The following PTH2R variants were observed in gnomAD, a reference collection of about 807,000 sequenced individuals.
The protein encoded by PTH2R is parathyroid hormone 2 receptor.
In PTH2R, 59 loss-of-function variants were observed where a neutral mutation model predicts 60.3. The ratio of observed to expected loss-of-function variants is 0.98; its 90% CI spans 0.79 to 1.22. PTH2R has a LOEUF of 1.22. Ranked by LOEUF, PTH2R falls within the 50% of genes most tolerant of loss-of-function variation. The pLI, the probability that PTH2R is intolerant of heterozygous loss-of-function variation, is 0.00. For synonymous variants in PTH2R, 256 were observed against 243.8 expected (o/e 1.05, Z -0.47); for missense variants, 749 against 682.6 (o/e 1.10, Z -1.08).
At chr2:208,367,283 AGGGTTTCGCCATGTT>A (rs1700611000) in intron 1 of PTH2R, among the ~76,000 whole-genome samples, 1 of 151,976 alleles carries the variant, frequency 6.6e-6, no homozygotes. Context: ...TAGTAGAGAC[AGGGTTTCGCCATGTT>A]GGCCAGGCTG....
chr2:208,435,640 G>T (rs1702060057), intron 2 of PTH2R, among the ~76,000 whole-genome samples: 1 of 152,266 alleles, frequency 6.6e-6, no homozygotes, highest in East Asian at 1.9e-4. Context: ...GCAAAGAAAT[G>T]GGGACCTTGG....
At chr2:208,436,898 G>T (rs1321163021) in intron 2 of PTH2R, among the ~76,000 whole-genome samples, 1 of 152,186 alleles carries the variant, frequency 6.6e-6, no homozygotes, top group Non-Finnish European at 1.5e-5. Flanking sequence ...CCTGCAGAAA[G>T]AAATGTTGGA....
At chr2:208,388,253 C>A (rs1328490027) in intron 1 of PTH2R, among the ~76,000 whole-genome samples, 1 of 151,148 alleles carries the variant, frequency 6.6e-6, no homozygotes, top group African/African-American at 2.4e-5. Context: ...GGAGGTGGAG[C>A]TTGCAGTGAG....
chr2:208,412,998 TTCTC>T (rs1435472193), intron 1 of PTH2R, among the ~76,000 whole-genome samples: 1 of 152,130 alleles, frequency 6.6e-6, no homozygotes, highest in Non-Finnish European at 1.5e-5. Flanking sequence ...CTCATTCTCT[TTCTC>T]TCTCACTACT....
At position 208,482,840 on chromosome 2, in the gene PTH2R, C is replaced by T. The variant is rs191920380; in HGVS notation, c.1076+1676C>T. ...CCGTTTATAGGCTCTCCACAAGGGT[C>T]GCTTTCCATTCCCAGAGCCACGAAC... is the stretch of plus-strand genomic sequence containing the variant. On this transcript the variant is annotated intron_variant, in intron 10 of 12. Coordinates refer to ENST00000272847, the MANE Select transcript of PTH2R (RefSeq NM_005048.4). Among the ~76,000 whole-genome samples, 181 of 152,236 alleles carry T rather than the reference C, an allele frequency of 1.2e-3. 1 individual carries two copies. Among genetic ancestry groups the T allele is most frequent in the African/African-American group, 4.2e-3 (173 of 41,540 alleles).
At chr2:208,487,030 G>A (rs535563960) in intron 10 of PTH2R, among the ~76,000 whole-genome samples, 194 of 152,242 alleles carry the variant, frequency 1.3e-3, no homozygotes, top group Middle Eastern at 0.01. Flanking sequence ...ACAATGAGGT[G>A]TAGGAAATGT....
At chr2:208,406,673 G>A (rs1411687315), upstream of PTH2R, among the ~76,000 whole-genome samples, 1 of 152,154 alleles carries the variant, frequency 6.6e-6, no homozygotes, top group Non-Finnish European at 1.5e-5. Context: ...CCTGGGCTGC[G>A]GGACCCAGTG....
At chr2:208,486,082 GC>G (rs1703267576) in intron 10 of PTH2R, among the ~76,000 whole-genome samples, 1 of 152,120 alleles carries the variant, frequency 6.6e-6, no homozygotes, top group East Asian at 1.9e-4. Context: ...GAACCCTGAG[GC>G]CCAGATAAGA....
intron 2 of PTH2R, among the ~76,000 whole-genome samples, chr2:208,432,713 C>CTTA: frequency 6.6e-6 from 1 of 152,112 alleles, no homozygotes; most frequent in African/African-American, 2.4e-5. Flanking sequence ...ACCTGAGAGC[C>CTTA]CCCAGCAAAC....
chr2:208,397,316 A>G lies in PTH2R; in HGVS notation c.-258-30885A>G, dbSNP rs182357704. Among the ~76,000 whole-genome samples, 510 of 152,038 alleles carry G rather than the reference A, an allele frequency of 3.4e-3. 3 individuals are homozygous for G. The highest frequency in any genetic ancestry group is 0.012 in the African/African-American group (494 of 41,486). ...ATTTAAAGTATAATTAAAAAAAAAA[A>G]GAGGCCAAGAGCACCTTGGAATGAC... On this transcript the variant is annotated intron_variant, in intron 1 of 12. Coordinates refer to the PTH2R transcript ENST00000617735.
At chr2:208,437,695 T>C in intron 3 of PTH2R, 48 bp downstream of exon 3, 1 of 1,603,164 alleles carries the variant, frequency 6.2e-7, no homozygotes, top group Non-Finnish European at 8.5e-7. Flanking sequence ...CATTTACTTG[T>C]CCATTTTCTT....
At chr2:208,440,208 G>C (rs1335407646) in intron 4 of PTH2R, among the ~76,000 whole-genome samples, 2 of 152,162 alleles carry the variant, frequency 1.3e-5, no homozygotes, top group African/African-American at 4.8e-5. Flanking sequence ...GGGAGGCTGG[G>C]GTGGGAGTTC....
Position 208,388,142 on chromosome 2 carries a change from C to CCA in PTH2R, c.-259+27906_-259+27907insAC, listed in dbSNP as rs1266436685. Reference sequence around the variant, plus strand: ...GGCTAACATGGTGAAACCCCCCCCCCCGTCTCTACTAAAAATACAAAAAAT... The same window carrying CCA: ...GGCTAACATGGTGAAACCCCCCCCCCCACGTCTCTACTAAAAATACAAAAAAT... On this transcript the variant is annotated intron_variant, in intron 1 of 12. Coordinates refer to the PTH2R transcript ENST00000617735. Among the ~76,000 whole-genome samples the CCA allele has an allele frequency of 2.0e-5, 3 of 148,536 alleles. No individual in the cohort carries two copies. The East Asian group carries it at 5.9e-4, about 29-fold the overall frequency.
chr2:208,426,787 G>T (rs1453729479), intron 1 of PTH2R, among the ~76,000 whole-genome samples: 1 of 152,194 alleles, frequency 6.6e-6, no homozygotes, highest in African/African-American at 2.4e-5. Flanking sequence ...CCCCAGCAAT[G>T]TGGAACTGTG....
chr2:208,381,408 T>C, intron 1 of PTH2R, among the ~76,000 whole-genome samples: 1 of 152,100 alleles, frequency 6.6e-6, no homozygotes, highest in East Asian at 1.9e-4. Flanking sequence ...AAAATACAAA[T>C]AACTATTCTT....
intron 4 of PTH2R, among the ~76,000 whole-genome samples, chr2:208,441,173 A>G (rs1329048709): frequency 1.3e-5 from 2 of 152,182 alleles, no homozygotes; most frequent in African/African-American, 2.4e-5. Context: ...ATTAATTGCT[A>G]GAACAGCTCA....
chr2:208,488,614 A>G (rs931553433), intron 10 of PTH2R, among the ~76,000 whole-genome samples: 3 of 152,166 alleles, frequency 2.0e-5, no homozygotes, highest in African/African-American at 7.2e-5. Context: ...AGTGACAGAA[A>G]GAGGAGGGAA....
At chr2:208,442,294 C>T (rs906878986) in intron 4 of PTH2R, 70 bp from the exon 5 acceptor site, 2 of 1,089,536 alleles carry the variant, frequency 1.8e-6, no homozygotes, top group Non-Finnish European at 2.8e-6. Context: ...CCAAAAATGA[C>T]ATACTATTTC....
At chr2:208,370,268 C>A (rs1700670327) in intron 1 of PTH2R, among the ~76,000 whole-genome samples, 1 of 151,410 alleles carries the variant, frequency 6.6e-6, no homozygotes, top group African/African-American at 2.4e-5. Flanking sequence ...ATGGTGAAAC[C>A]CTGTCTCTAC....
Sources: gnomAD v4.1 joint callset for allele counts (sites outside exome capture counted in the v4.1 genomes callset) on GRCh38, gnomAD v4.1.1 for gene constraint, MANE v1.5 for transcripts, NCBI Gene and HGNC (gene_info 2026-07-23, HGNC 2026-07-21) for gene names.